EXOC6B: variants seen among roughly 807,000 people sequenced by gnomAD.
EXOC6B encodes SEC15 homolog B.
In EXOC6B, 54 loss-of-function variants were observed where a neutral mutation model predicts 113.5. The observed-to-expected ratio is 0.48, with a 90% CI of 0.38 to 0.60. The LOEUF (loss-of-function observed/expected upper bound fraction) is 0.60. EXOC6B is among the 20% of genes least tolerant of loss of function. The pLI is 0.00. For synonymous variants in EXOC6B, 357 were observed against 339.0 expected, an observed-to-expected ratio of 1.05 and a Z score of -0.58; for missense variants, 797 against 977.5, an observed-to-expected ratio of 0.82 and a Z score of 2.46.
chr2:72,724,738 A>C (rs1488962682), intron 5 of EXOC6B, among the ~76,000 whole-genome samples: 2 of 152,230 alleles, frequency 1.3e-5, no homozygotes, highest in Non-Finnish European at 2.9e-5. Flanking sequence ...AAACATAAAA[A>C]GCTAAATGTA....
intron 19 of EXOC6B, among the ~76,000 whole-genome samples, chr2:72,376,080 A>G (rs1691339860): frequency 1.3e-5 from 2 of 152,064 alleles, no homozygotes; most frequent in Admixed American, 1.3e-4. Context: ...ATTAGATGCC[A>G]TTTCTTAATG....
chr2:72,239,834 G>A (rs936232062), intron 20 of EXOC6B, among the ~76,000 whole-genome samples: 47 of 152,056 alleles, frequency 3.1e-4, no homozygotes, highest in African/African-American at 1.1e-3. Flanking sequence ...TTCTTTCAAC[G>A]ATGTTTTACA....
At chr2:72,804,053 C>T (rs976583855) in intron 1 of EXOC6B, among the ~76,000 whole-genome samples, 6 of 152,190 alleles carry the variant, frequency 3.9e-5, no homozygotes, top group African/African-American at 1.4e-4. Flanking sequence ...AAAGCTTCAT[C>T]TTTACAAGTT....
At chr2:72,294,836 T>G (rs2104728093) in intron 20 of EXOC6B, among the ~76,000 whole-genome samples, 1 of 152,312 alleles carries the variant, frequency 6.6e-6, no homozygotes, top group Admixed American at 6.5e-5. Flanking sequence ...CCAATCTGAT[T>G]GAGATAATTA....
chr2:72,210,450 G>A (rs1680118536), intron 20 of EXOC6B, among the ~76,000 whole-genome samples: 1 of 152,140 alleles, frequency 6.6e-6, no homozygotes, highest in South Asian at 2.1e-4. Context: ...ATAATATTTT[G>A]TTCATACTGG....
intron 18 of EXOC6B, among the ~76,000 whole-genome samples, chr2:72,456,900 G>T (rs1253569354): frequency 6.6e-6 from 1 of 151,936 alleles, no homozygotes; most frequent in African/African-American, 2.4e-5. Context: ...AGGAGAACTG[G>T]TAAGGCCTCA....
At chr2:72,631,801 G>A (rs1672488202) in intron 6 of EXOC6B, among the ~76,000 whole-genome samples, 1 of 151,954 alleles carries the variant, frequency 6.6e-6, no homozygotes, top group Admixed American at 6.6e-5. Flanking sequence ...ACCACGCCTG[G>A]CCCACCCCAT....
chr2:72,542,766 T>A (rs890053410), intron 8 of EXOC6B, among the ~76,000 whole-genome samples: 14 of 152,156 alleles, frequency 9.2e-5, no homozygotes, highest in African/African-American at 3.4e-4. Flanking sequence ...TATTTATGTA[T>A]CCCCATCATG....
At chr2:72,441,294 A>G (rs560593005) in intron 18 of EXOC6B, among the ~76,000 whole-genome samples, 1 of 152,332 alleles carries the variant, frequency 6.6e-6, no homozygotes, top group South Asian at 2.1e-4. Flanking sequence ...AAAAAGTTAC[A>G]AAGATCTCAA....
chr2:72,281,916 A>G, intron 20 of EXOC6B, among the ~76,000 whole-genome samples: 1 of 152,202 alleles, frequency 6.6e-6, no homozygotes, highest in East Asian at 1.9e-4. Context: ...TCATCTTCCA[A>G]GAAGCTGCAA....
chr2:72,245,435 T>G (rs1682590841), intron 20 of EXOC6B, among the ~76,000 whole-genome samples: 1 of 152,190 alleles, frequency 6.6e-6, no homozygotes, highest in East Asian at 1.9e-4. Context: ...CCCACATGTA[T>G]GGACAGACAA....
chr2:72,410,739 A>C (rs1011242774), intron 18 of EXOC6B, among the ~76,000 whole-genome samples: 3 of 152,194 alleles, frequency 2.0e-5, no homozygotes, highest in Non-Finnish European at 4.4e-5. Flanking sequence ...ATTTATATTT[A>C]AGTTATAAAT....
At chr2:72,685,624 C>T (rs1436526538) in intron 6 of EXOC6B, among the ~76,000 whole-genome samples, 2 of 152,204 alleles carry the variant, frequency 1.3e-5, no homozygotes, top group African/African-American at 4.8e-5. Context: ...TACTCACTAA[C>T]ATTCTTAGGC....
intron 19 of EXOC6B, among the ~76,000 whole-genome samples, chr2:72,369,472 A>C (rs1690863308): frequency 6.6e-6 from 1 of 152,214 alleles, no homozygotes. Context: ...ATCCCCATCA[A>C]GCTACCAATG....
intron 20 of EXOC6B, among the ~76,000 whole-genome samples, chr2:72,311,126 A>G (rs990663765): frequency 2.6e-5 from 4 of 152,214 alleles, no homozygotes; most frequent in African/African-American, 9.6e-5. Flanking sequence ...TTAATGTTCT[A>G]TTGCTTCCAT....
chr2:72,664,467 A>C (rs1042984538), intron 6 of EXOC6B, among the ~76,000 whole-genome samples: 5 of 152,092 alleles, frequency 3.3e-5, no homozygotes, highest in African/African-American at 7.2e-5. Context: ...TCCCAGGTAC[A>C]AGAGATCCCA....
At position 72,178,649 on chromosome 2, in the gene EXOC6B, G is replaced by A. The variant is rs1238638054; in HGVS notation, c.*686C>T. ...TGGGGCAATATGCAGTTAAACATGG[G>A]ATCCAATTATTACTGCTGTCTACTT... On this transcript the variant is annotated 3_prime_UTR_variant, in exon 22 of 22. Coordinates refer to ENST00000272427, the MANE Select transcript of EXOC6B (RefSeq NM_015189.3). 1 of 152,208 alleles carries A rather than the reference G, an allele frequency of 6.6e-6. No individual in the cohort carries two copies. Among genetic ancestry groups the A allele is most frequent in the Non-Finnish European group, 1.5e-5 (1 of 68,044 alleles). 9.4% of individuals were successfully genotyped at this position (152,208 alleles called of 1,614,324 possible).
intron 20 of EXOC6B, among the ~76,000 whole-genome samples, chr2:72,221,442 C>G (rs565443580): frequency 6.6e-6 from 1 of 152,296 alleles, no homozygotes; most frequent in Non-Finnish European, 1.5e-5. Context: ...TCAATCAGGC[C>G]TACTCTGACT....
intron 19 of EXOC6B, among the ~76,000 whole-genome samples, chr2:72,343,600 G>T (rs1689158390): frequency 6.6e-6 from 1 of 152,074 alleles, no homozygotes; most frequent in Non-Finnish European, 1.5e-5. Context: ...TTGCAGGGCA[G>T]GTCTGGTAGG....
Sources: allele counts gnomAD v4.1 joint callset (sites outside exome capture counted in the v4.1 genomes callset), GRCh38; gene constraint gnomAD v4.1.1; transcripts MANE v1.5; gene names NCBI Gene and HGNC (gene_info 2026-07-23, HGNC 2026-07-21).